Variants in SNX31 observed in about 807,000 individuals in gnomAD.
SNX31 encodes the protein sorting nexin-31.
A neutral mutation model predicts 65.4 loss-of-function variants in SNX31; 58 were observed. The observed-to-expected ratio is 0.89, with a 90% CI of 0.72 to 1.10. The LOEUF is 1.10. Ranked by LOEUF, SNX31 falls within the 50% of genes least tolerant of loss-of-function variation. The probability of loss-of-function intolerance (pLI) is 0.00; values close to 1 mark genes in which losing one functional copy is unlikely to be tolerated. For missense variants in SNX31, 523 were observed against 529.7 expected (o/e 0.99, Z 0.12); for synonymous variants, 181 against 190.1 (o/e 0.95, Z 0.39).
In SNX31 at chr8:100,630,338, G is replaced by C; in HGVS notation, c.310C>G (p.Leu104Val). The change falls in exon 4 of 14, where the codon CTG becomes GTG. Residue 104 changes from leucine (L) to valine (V), a missense_variant. Coordinates refer to ENST00000311812, the MANE Select transcript of SNX31 (RefSeq NM_152628.4). The surrounding 1 kb of genome is among the most constrained non-coding windows in gnomAD (Gnocchi z 5.3). ...RSDVFVEFLK[L>V]AQLNTFDIAT... ...AAGAGCAAGCTTACCAGCTGCGCCA[G>C]TTTTAAAAACTCAACGAAGACATCA... 1 of 1,613,414 alleles carries C rather than the reference G, an allele frequency of 6.2e-7. No homozygotes were observed. The highest frequency in any genetic ancestry group is 8.5e-7 in the Non-Finnish European group (1 of 1,179,816).
At chr8:100,585,582 G>A (rs1413061886) in intron 11 of SNX31, among the ~76,000 whole-genome samples, 2 of 151,806 alleles carry the variant, frequency 1.3e-5, no homozygotes, top group Non-Finnish European at 2.9e-5. Flanking sequence ...AGAGGGAAGA[G>A]AGAAAAAAGG....
chr8:100,655,433 C>T (rs1481747850), intron 1 of SNX31, among the ~76,000 whole-genome samples: 2 of 152,158 alleles, frequency 1.3e-5, no homozygotes, highest in East Asian at 3.9e-4. Context: ...TGGGAGATCA[C>T]TGAATCATGG....
chr8:100,618,455 C>T lies in SNX31; in HGVS notation c.322-725G>A, dbSNP rs560559775. ...AACCAATTCTCCAGTTCTTGAACAT[C>T]ACAATGGCTGTCCAACAATTCAATT... On this transcript the variant is annotated intron_variant, in intron 4 of 13. Coordinates refer to ENST00000311812, the MANE Select transcript of SNX31 (RefSeq NM_152628.4). 20 of 730,542 alleles carry T rather than the reference C, an allele frequency of 2.7e-5. No homozygotes were observed. The East Asian group carries it at 5.4e-4, about 20-fold the overall frequency. The allele number at this position is 730,542 out of a possible 1,614,324, so 45.3% of individuals were successfully genotyped here. A position where few individuals can be genotyped will look rare whatever the true frequency, so the allele number is the denominator to read the frequency against.
chr8:100,636,757 T>C (rs911351994), intron 2 of SNX31, among the ~76,000 whole-genome samples: 1 of 152,140 alleles, frequency 6.6e-6, no homozygotes, highest in Non-Finnish European at 1.5e-5. Flanking sequence ...GTTTCACTCT[T>C]GTTGCCCAGG....
At position 100,578,472 on chromosome 8, in the gene SNX31, ATTGT is replaced by A. The variant is rs2130774528; in HGVS notation, c.1171-1401_1171-1398del. ...AATGACAGAATAAACAAGTGACTTA[ATTGT>A]TTATTATTGCTTACTTCTCATGAGA... On this transcript the variant is annotated intron_variant, in intron 12 of 13. Coordinates refer to ENST00000311812, the MANE Select transcript of SNX31 (RefSeq NM_152628.4). The surrounding 1 kb of genome is among the most constrained non-coding windows in gnomAD (Gnocchi z 4.7). 6.6e-6 allele frequency among the ~76,000 whole-genome samples: 1 copy of A among 152,284 alleles called. No individual in the cohort carries two copies. Among genetic ancestry groups the A allele is most frequent in the East Asian group, 1.9e-4 (1 of 5,178 alleles).
intron 10 of SNX31, among the ~76,000 whole-genome samples, chr8:100,590,247 A>G (rs1228821984): frequency 6.6e-6 from 1 of 152,096 alleles, no homozygotes; most frequent in Admixed American, 6.5e-5. Flanking sequence ...GAAAAAAGAT[A>G]TTTTTCCCCC....
In SNX31 at chr8:100,613,140, C is replaced by A. The variant is rs1816862777; in HGVS notation, c.433-55G>T. ...AAGTTAGGTGTGCCCACCATGCATC[C>A]TAACTGTGACATGCAGACTTGGAAA... On this transcript the variant is annotated intron_variant, in intron 5 of 13. Transcript: ENST00000311812. The surrounding 1 kb of genome is among the most constrained non-coding windows in gnomAD (Gnocchi z 5.2). The A allele has an allele frequency of 2.9e-6, 4 of 1,375,324 alleles. No homozygotes were observed. The Admixed American group carries it at 6.8e-5, about 23-fold the overall frequency. The allele number at this position is 1,375,324 out of a possible 1,614,324, so 85.2% of individuals were successfully genotyped here. A position where few individuals can be genotyped will look rare whatever the true frequency, so the allele number is the denominator to read the frequency against.
intron 10 of SNX31, among the ~76,000 whole-genome samples, chr8:100,595,865 T>C (rs910076933): frequency 3.3e-5 from 5 of 152,104 alleles, no homozygotes; most frequent in African/African-American, 9.7e-5. Context: ...GGAATGATGC[T>C]AGAATGCAAT....
At position 100,648,399 on chromosome 8, in the gene SNX31, G is replaced by A. The variant is rs542116687; in HGVS notation, c.141+875C>T. On this transcript the variant is annotated intron_variant, in intron 2 of 13. Transcript: ENST00000311812. The surrounding 1 kb of genome is among the most constrained non-coding windows in gnomAD (Gnocchi z 4.3). ...GCTGGTCTCAAACTCTGGGACTCAAGTAATCCTCCTGCCTCAGTCTCCCAA... is the reference window on the plus strand; with the variant it reads ...GCTGGTCTCAAACTCTGGGACTCAAATAATCCTCCTGCCTCAGTCTCCCAA... Among the ~76,000 whole-genome samples, 1 of 147,150 alleles carries A rather than the reference G, an allele frequency of 6.8e-6. No individual in the cohort carries two copies. Among genetic ancestry groups the A allele is most frequent in the South Asian group, 2.1e-4 (1 of 4,682 alleles).
At chr8:100,636,050 G>A (rs368295151) in intron 2 of SNX31, 39 bp from the exon 3 acceptor site, 41 of 1,480,782 alleles carry the variant, frequency 2.8e-5, no homozygotes, top group East Asian at 6.8e-5. Flanking sequence ...CAGGTGAGCC[G>A]CCAGTTCAGG....
chr8:100,653,045 A>G (rs771495412), upstream of SNX31, among the ~76,000 whole-genome samples: 31 of 152,210 alleles, frequency 2.0e-4, no homozygotes, highest in Non-Finnish European at 4.3e-4. Context: ...AAGGTTGGGC[A>G]TGCAGAGTTA....
intron 2 of SNX31, among the ~76,000 whole-genome samples, chr8:100,636,982 C>T (rs1818820910): frequency 6.6e-6 from 1 of 152,134 alleles, no homozygotes; most frequent in South Asian, 2.1e-4. Context: ...CTGCCTCCCA[C>T]AGTGCTGGGA....
At chr8:100,627,347 C>T (rs904085655) in intron 4 of SNX31, among the ~76,000 whole-genome samples, 1 of 152,020 alleles carries the variant, frequency 6.6e-6, no homozygotes, top group Non-Finnish European at 1.5e-5. Flanking sequence ...AGCAAAACTC[C>T]ATCTCAAAAA....
chr8:100,624,725 A>G (rs1460224972), intron 4 of SNX31, among the ~76,000 whole-genome samples: 1 of 152,238 alleles, frequency 6.6e-6, no homozygotes, highest in African/African-American at 2.4e-5. Context: ...AACGCAATAC[A>G]AAAACCAGCT....
chr8:100,584,271 T>G (rs1813827217), intron 11 of SNX31, 83 bp from the exon 12 acceptor site: 2 of 1,068,624 alleles, frequency 1.9e-6, no homozygotes, highest in Non-Finnish European at 1.3e-6. Context: ...CAAAGCGGAT[T>G]TTGACTCTGC....
intron 5 of SNX31, among the ~76,000 whole-genome samples, chr8:100,617,057 G>A (rs181260663): frequency 1.6e-3 from 248 of 152,270 alleles, no homozygotes; most frequent in African/African-American, 5.8e-3. Context: ...GGTCTGGGAG[G>A]CAGAGCTGCT....
intron 4 of SNX31, among the ~76,000 whole-genome samples, chr8:100,621,275 A>G (rs2131114913): frequency 6.6e-6 from 1 of 152,320 alleles, no homozygotes; most frequent in South Asian, 2.1e-4. Flanking sequence ...CTGGCCCAGA[A>G]GCCTGGCACC....
chr8:100,623,969 T>G (rs1817874242), intron 4 of SNX31, among the ~76,000 whole-genome samples: 1 of 150,752 alleles, frequency 6.6e-6, no homozygotes, highest in South Asian at 2.1e-4. Flanking sequence ...CATTTTTTTT[T>G]CTGTTAAGTG....
Position 100,613,554 on chromosome 8 carries a change from G to A in SNX31, c.433-469C>T, listed in dbSNP as rs527549801. ...TTGGCTGGCATACAAACGTGCATGC[G>A]CTACTGCCCACCTTTGACACGCCAG... On this transcript the variant is annotated intron_variant, in intron 5 of 13. Transcript: ENST00000311812. This position sits in a 1 kb window ranked among gnomAD's most constrained non-coding sequence, Gnocchi z 5.2. Among the ~76,000 whole-genome samples, 15 of 152,328 alleles carry A rather than the reference G, an allele frequency of 9.8e-5. No individual in the cohort carries two copies. The highest frequency in any genetic ancestry group is 3.4e-3 in the Middle Eastern group (1 of 294).
Sources: allele counts gnomAD v4.1 joint callset (sites outside exome capture counted in the v4.1 genomes callset), GRCh38; gene constraint gnomAD v4.1.1; non-coding constraint Gnocchi (gnomAD v3.1); transcripts MANE v1.5; gene names NCBI Gene and HGNC (gene_info 2026-07-23, HGNC 2026-07-21).